CRB1: variants seen among roughly 807,000 people sequenced by gnomAD.
The protein encoded by CRB1 is crumbs cell polarity complex component 1.
CRB1 carries 83 observed loss-of-function variants against 120.0 expected under a neutral mutation model. The ratio of observed to expected loss-of-function variants is 0.69; its 90% CI spans 0.58 to 0.83. The LOEUF is 0.83. Among genes scored for constraint, CRB1 ranks in the 40% least tolerant of loss-of-function variants. The pLI is 0.00. For missense variants in CRB1, 1,699 were observed against 1,687.6 expected, an observed-to-expected ratio of 1.01 and a Z score of -0.12; for synonymous variants, 625 against 612.5, an observed-to-expected ratio of 1.02 and a Z score of -0.30.
intron 11 of CRB1, among the ~76,000 whole-genome samples, chr1:197,472,727 C>T (rs1418585655): frequency 6.6e-6 from 1 of 152,042 alleles, no homozygotes; most frequent in East Asian, 1.9e-4. Flanking sequence ...TCTGATAGGC[C>T]CAGGTTGCAC....
chr1:197,314,662 T>C (rs1657740785), intron 1 of CRB1, among the ~76,000 whole-genome samples: 2 of 152,226 alleles, frequency 1.3e-5, no homozygotes, highest in African/African-American at 4.8e-5. Flanking sequence ...AAATCTTGAT[T>C]TTATTCTTTG....
chr1:197,256,374 C>T, the CRB1 span, among the ~76,000 whole-genome samples: 8 of 151,814 alleles, frequency 5.3e-5, no homozygotes, highest in African/African-American at 1.7e-4. Context: ...ATAAATAACT[C>T]CTCTTACCCA....
chr1:197,473,579 TATG>T (rs1163648626), intron 11 of CRB1, among the ~76,000 whole-genome samples: 1 of 151,518 alleles, frequency 6.6e-6, no homozygotes, highest in Non-Finnish European at 1.5e-5. Context: ...AAGATGTTAA[TATG>T]ATAACTGACT....
At chr1:197,309,034 T>G (rs1368374185) in intron 1 of CRB1, among the ~76,000 whole-genome samples, 2 of 151,482 alleles carry the variant, frequency 1.3e-5, no homozygotes, top group Non-Finnish European at 2.9e-5. Context: ...TACACAAACG[T>G]GTATATGTAT....
chr1:197,335,229 G>A (rs1177856271), intron 2 of CRB1, among the ~76,000 whole-genome samples: 1 of 152,200 alleles, frequency 6.6e-6, no homozygotes, highest in East Asian at 1.9e-4. Context: ...AATGAGGTCA[G>A]ACTGTTTGGG....
At chr1:197,471,393 A>G (rs1309156390) in intron 11 of CRB1, among the ~76,000 whole-genome samples, 3 of 152,162 alleles carry the variant, frequency 2.0e-5, no homozygotes, top group Admixed American at 6.5e-5. Flanking sequence ...CGGCAAACCC[A>G]GTGGGAGCTT....
intron 11 of CRB1, among the ~76,000 whole-genome samples, chr1:197,465,859 A>G (rs1478952607): frequency 6.6e-6 from 1 of 152,202 alleles, no homozygotes; most frequent in Non-Finnish European, 1.5e-5. Flanking sequence ...ATGAAACACT[A>G]AAGGAAAGGT....
chr1:197,391,167 G>A (rs1428928613), intron 5 of CRB1, among the ~76,000 whole-genome samples: 2 of 152,096 alleles, frequency 1.3e-5, no homozygotes, highest in Non-Finnish European at 1.5e-5. Flanking sequence ...CTCAATAGTG[G>A]TGTTCATCAA....
chr1:197,266,593 A>T (rs1440403580), upstream of CRB1, among the ~76,000 whole-genome samples: 1 of 152,180 alleles, frequency 6.6e-6, no homozygotes, highest in African/African-American at 2.4e-5. Flanking sequence ...CCCAAATCTG[A>T]CACATGGTAG....
chr1:197,238,886 A>G, the CRB1 span, among the ~76,000 whole-genome samples: 7 of 152,210 alleles, frequency 4.6e-5, no homozygotes, highest in African/African-American at 1.7e-4. Context: ...AAGACAAATT[A>G]TATCACAAAA....
rs118098018 is a variant in CRB1, at chr1:197,311,156, G to T, written c.71-17266G>T. On this transcript the variant is annotated intron_variant, in intron 1 of 11. Coordinates refer to ENST00000367400, the MANE Select transcript of CRB1 (RefSeq NM_201253.3). ...GAAATAACTTAAATGTTCCTTGCTG[G>T]ATTCATACAGAAAATATGATATACA... Among the ~76,000 whole-genome samples, 9 of 152,306 alleles carry T rather than the reference G, an allele frequency of 5.9e-5. No homozygotes were observed. The East Asian group carries it at 1.7e-3, about 29-fold the overall frequency.
At chr1:197,352,599 A>C (rs1180420253) in intron 4 of CRB1, among the ~76,000 whole-genome samples, 1 of 152,148 alleles carries the variant, frequency 6.6e-6, no homozygotes, top group African/African-American at 2.4e-5. Flanking sequence ...GTAGACATTC[A>C]AGTTTAAGAG....
chr1:197,347,700 T>C (rs1035206931), intron 4 of CRB1, among the ~76,000 whole-genome samples: 1 of 152,130 alleles, frequency 6.6e-6, no homozygotes, highest in Admixed American at 6.6e-5. Context: ...CATAACCCTC[T>C]AGAGGAATAG....
intron 4 of CRB1, among the ~76,000 whole-genome samples, chr1:197,353,516 T>C (rs555580278): frequency 1.3e-5 from 2 of 152,332 alleles, no homozygotes; most frequent in East Asian, 3.9e-4. Context: ...ATTGTGTTTC[T>C]TTAAAAATAT....
chr1:197,471,654 C>T (rs758332294), intron 11 of CRB1, among the ~76,000 whole-genome samples: 1 of 152,188 alleles, frequency 6.6e-6, no homozygotes, highest in African/African-American at 2.4e-5. Context: ...CCCGAGTTCT[C>T]TCTTTTGGCT....
At chr1:197,341,253 A>G (rs1466112771) in intron 2 of CRB1, among the ~76,000 whole-genome samples, 3 of 152,124 alleles carry the variant, frequency 2.0e-5, no homozygotes, top group Non-Finnish European at 4.4e-5. Context: ...TATCAGGAGG[A>G]TGATCTGGGC....
chr1:197,406,199 A>G (rs1663383721), intron 5 of CRB1, among the ~76,000 whole-genome samples: 1 of 152,202 alleles, frequency 6.6e-6, no homozygotes, highest in South Asian at 2.1e-4. Flanking sequence ...AAAGAAGTAG[A>G]CATGGGAGAC....
At chr1:197,368,386 T>A (rs759869245) in intron 5 of CRB1, among the ~76,000 whole-genome samples, 2 of 152,244 alleles carry the variant, frequency 1.3e-5, no homozygotes, top group Non-Finnish European at 2.9e-5. Context: ...GCCTTTACCA[T>A]GCATGTTAAT....
At chr1:197,219,039 A>G in the CRB1 span, among the ~76,000 whole-genome samples, 1 of 152,176 alleles carries the variant, frequency 6.6e-6, no homozygotes, top group Admixed American at 6.5e-5. Flanking sequence ...AACAAGTACT[A>G]TGGGAGCCCA....
Sources: allele counts gnomAD v4.1 joint callset (sites outside exome capture counted in the v4.1 genomes callset), GRCh38; gene constraint gnomAD v4.1.1; transcripts MANE v1.5; gene names NCBI Gene and HGNC (gene_info 2026-07-23, HGNC 2026-07-21).